SYN3: variants seen among roughly 807,000 people sequenced by gnomAD.
SYN3 encodes the protein synapsin III.
In SYN3, 35 loss-of-function variants were observed where a neutral mutation model predicts 65.8. The ratio of observed to expected loss-of-function variants is 0.53; its 90% confidence interval spans 0.41 to 0.70. The LOEUF is 0.70. Ranked by LOEUF, SYN3 falls within the 30% of genes least tolerant of loss-of-function variation. The probability of loss-of-function intolerance (pLI) is 0.00; values close to 1 mark genes in which losing one functional copy is unlikely to be tolerated. For missense variants in SYN3, 680 were observed against 749.0 expected (o/e 0.91, Z 1.08); for synonymous variants, 270 against 292.9 (o/e 0.92, Z 0.80).
chr22:32,943,753 A>C (rs1199798743), intron 3 of SYN3, among the ~76,000 whole-genome samples: 1 of 152,202 alleles, frequency 6.6e-6, no homozygotes, highest in Non-Finnish European at 1.5e-5. Flanking sequence ...ATGGAGGACG[A>C]CCTACCAAGC....
At chr22:32,704,100 T>C (rs1006288253) in intron 6 of SYN3, among the ~76,000 whole-genome samples, 1 of 152,204 alleles carries the variant, frequency 6.6e-6, no homozygotes, top group Non-Finnish European at 1.5e-5. Context: ...GGGGTACATA[T>C]GCAGGTTTGT....
At chr22:32,670,886 TC>T (rs1261277239) in intron 6 of SYN3, among the ~76,000 whole-genome samples, 1 of 152,084 alleles carries the variant, frequency 6.6e-6, no homozygotes, top group Non-Finnish European at 1.5e-5. Context: ...ATGGGGGGAT[TC>T]CCCCCTTCCT....
chr22:32,865,678 A>G (rs1312263443), intron 5 of SYN3, among the ~76,000 whole-genome samples: 1 of 152,136 alleles, frequency 6.6e-6, no homozygotes. Flanking sequence ...CTCCTGCTTC[A>G]ACACTTGCTT....
chr22:32,820,243 TGTGTGTGTGTGTGTGTGTGCGTGCGC>T (rs1393720666), intron 6 of SYN3, among the ~76,000 whole-genome samples: 1 of 57,732 alleles, frequency 1.7e-5, no homozygotes, highest in Non-Finnish European at 4.2e-5. Context: ...CTTTCTCCCC[TGTGTGTGTGTGTGTGTGTGCGTGCGC>T]GTGTGTGTGT....
At chr22:32,640,325 A>C (rs2146876064) in intron 6 of SYN3, among the ~76,000 whole-genome samples, 1 of 152,334 alleles carries the variant, frequency 6.6e-6, no homozygotes, top group South Asian at 2.1e-4. Flanking sequence ...TTGTGTACTC[A>C]GAATCGACCA....
chr22:32,954,625 A>C (rs1447609945), intron 3 of SYN3, among the ~76,000 whole-genome samples: 1 of 152,228 alleles, frequency 6.6e-6, no homozygotes, highest in African/African-American at 2.4e-5. Flanking sequence ...ATTAAGATCA[A>C]GATGTGGAAG....
Position 32,596,718 on chromosome 22 carries a change from G to GGAA in SYN3, c.727_729dup (p.Phe243dup). 1 of 1,613,914 alleles carries GGAA rather than the reference G, an allele frequency of 6.2e-7. No individual in the cohort carries two copies. The highest frequency in any genetic ancestry group is 2.2e-5 in the East Asian group (1 of 44,876). On this transcript the variant is annotated inframe_insertion, in exon 7 of 14. Transcript: ENST00000358763. Reference sequence around the variant, plus strand: ...GCATGTCCCAGCTTGACTACCACCGGGAAGTGTGGGGCTGTGACCTGAAAG... The same window carrying GGAA: ...GCATGTCCCAGCTTGACTACCACCGGGAAGAAGTGTGGGGCTGTGACCTGAAAG...
At chr22:32,544,204 C>A (rs2058302615) in intron 7 of SYN3, among the ~76,000 whole-genome samples, 1 of 152,214 alleles carries the variant, frequency 6.6e-6, no homozygotes, top group Admixed American at 6.5e-5. Context: ...TTCCAAAGTG[C>A]TGGGATTACA....
chr22:33,041,451 C>A (rs935970577), intron 1 of SYN3, among the ~76,000 whole-genome samples: 1 of 151,902 alleles, frequency 6.6e-6, no homozygotes, highest in African/African-American at 2.4e-5. Flanking sequence ...CCCGCCACCA[C>A]ACCCAGCTAA....
chr22:32,625,176 T>G (rs1250919460), intron 6 of SYN3, among the ~76,000 whole-genome samples: 1 of 152,224 alleles, frequency 6.6e-6, no homozygotes, highest in East Asian at 1.9e-4. Context: ...GGTAGGAACC[T>G]CAGTCTGGCA....
At chr22:32,815,410 C>G (rs187210395) in intron 6 of SYN3, among the ~76,000 whole-genome samples, 2 of 152,304 alleles carry the variant, frequency 1.3e-5, no homozygotes, top group African/African-American at 4.8e-5. Context: ...GGAACTGGAA[C>G]AAAAATAATA....
intron 7 of SYN3, among the ~76,000 whole-genome samples, chr22:32,567,716 T>C (rs936875863): frequency 6.6e-6 from 1 of 152,046 alleles, no homozygotes; most frequent in Non-Finnish European, 1.5e-5. Flanking sequence ...TATCCCCAGA[T>C]GGGGTTGACG....
At chr22:32,554,995 C>T (rs1226808318) in intron 7 of SYN3, among the ~76,000 whole-genome samples, 2 of 152,214 alleles carry the variant, frequency 1.3e-5, no homozygotes, top group Admixed American at 6.5e-5. Flanking sequence ...GCACCTGGCT[C>T]ATCACAAATG....
Position 32,975,964 on chromosome 22 carries a change from C to T in SYN3, c.369+4681G>A, listed in dbSNP as rs544493952. ...ATCACCTGGTCTTTATGGTCAATAT[C>T]TACAGCTAAGGTCCATTCTAAGAAA... On this transcript the variant is annotated intron_variant, in intron 3 of 13. Transcript: ENST00000358763. Among the ~76,000 whole-genome samples, 5 of 152,320 alleles carry T rather than the reference C, an allele frequency of 3.3e-5. No homozygotes were observed. The South Asian group carries it at 1.0e-3, about 32-fold the overall frequency.
intron 9 of SYN3, among the ~76,000 whole-genome samples, chr22:32,535,015 T>A (rs1466847378): frequency 6.6e-6 from 1 of 152,078 alleles, no homozygotes; most frequent in African/African-American, 2.4e-5. Context: ...CCTGGTATGT[T>A]CCAGGCATTC....
At chr22:32,534,006 C>T (rs2146188988) in intron 9 of SYN3, 111 bp from the exon 10 acceptor site, 1 of 663,140 alleles carries the variant, frequency 1.5e-6, no homozygotes, top group East Asian at 2.8e-5. Flanking sequence ...CAGTGACTCA[C>T]ACATCCAGAC....
chr22:32,936,582 A>G (rs578159000), intron 3 of SYN3, among the ~76,000 whole-genome samples: 2 of 152,360 alleles, frequency 1.3e-5, no homozygotes, highest in Admixed American at 1.3e-4. Context: ...CATACATGAA[A>G]GGAAAGTAAT....
At chr22:32,562,627 C>T (rs2058603065) in intron 7 of SYN3, among the ~76,000 whole-genome samples, 1 of 152,246 alleles carries the variant, frequency 6.6e-6, no homozygotes, top group Non-Finnish European at 1.5e-5. Context: ...CACTAAGCCG[C>T]TCCACCCTAC....
rs547934287 is a variant in SYN3 at position 32,575,760 on chromosome 22, C to T, written c.774+20914G>A. On this transcript the variant is annotated intron_variant, in intron 7 of 13. Transcript: ENST00000358763. ...GCTGCTGCTAAAATGACTCTGGGCACGGTAGAGATGGGGAGATACGGAAAT... is the reference window on the plus strand; with the variant it reads ...GCTGCTGCTAAAATGACTCTGGGCATGGTAGAGATGGGGAGATACGGAAAT... Among the ~76,000 whole-genome samples the T allele has an allele frequency of 3.5e-4, 53 of 152,090 alleles. 3 individuals are homozygous for T. The South Asian group carries it at 8.7e-3, about 25-fold the overall frequency.
Sources: allele counts gnomAD v4.1 joint callset (sites outside exome capture counted in the v4.1 genomes callset), GRCh38; gene constraint gnomAD v4.1.1; transcripts MANE v1.5; gene names NCBI Gene and HGNC (gene_info 2026-07-23, HGNC 2026-07-21).